Variants in PIGN observed in about 807,000 individuals in gnomAD.
The protein encoded by PIGN is phosphatidylinositol glycan anchor biosynthesis class N.
In PIGN, 117 loss-of-function variants were observed where a neutral mutation model predicts 125.4. The ratio of observed to expected loss-of-function variants is 0.93; its 90% CI spans 0.80 to 1.09. The LOEUF (loss-of-function observed/expected upper bound fraction) is 1.09, where lower values mean the gene tolerates loss of function less well. Among genes scored for constraint, PIGN ranks in the 50% least tolerant of loss-of-function variants. PIGN has a pLI of 0.00. For synonymous variants in PIGN, 392 were observed against 377.8 expected (o/e 1.04, Z -0.44); for missense variants, 1,075 against 1,094.9 (o/e 0.98, Z 0.26).
chr18:62,161,813 C>T (rs1255287355), intron 3 of PIGN, among the ~76,000 whole-genome samples: 9 of 152,012 alleles, frequency 5.9e-5, no homozygotes, highest in South Asian at 4.1e-4. Context: ...TTGCCAATAA[C>T]GGATTTTTAA....
rs146191694 is a variant in PIGN, at chr18:62,140,344, C to T, written c.1023+76G>A. On this transcript the variant is annotated intron_variant, in intron 12 of 30. Coordinates refer to ENST00000640252, the MANE Select transcript of PIGN (RefSeq NM_176787.5). ...AAAAAACCCAGATTATTCAGAAACA[C>T]ATAAAAAAGAGTACATTTTACTGTG... The T allele has an allele frequency of 5.9e-4, 384 of 656,224 alleles. 1 individual carries two copies. Among genetic ancestry groups the T allele is most frequent in the African/African-American group, 5.5e-3 (294 of 53,220 alleles). 40.7% of individuals were successfully genotyped at this position (656,224 alleles called of 1,614,324 possible).
At chr18:62,135,157 G>A (rs895624939) in intron 14 of PIGN, among the ~76,000 whole-genome samples, 2 of 152,036 alleles carry the variant, frequency 1.3e-5, no homozygotes, top group Admixed American at 6.6e-5. Flanking sequence ...AATGCATCTA[G>A]TACCTTTCTA....
At chr18:62,180,024 G>A (rs1456645942) in intron 1 of PIGN, among the ~76,000 whole-genome samples, 5 of 151,994 alleles carry the variant, frequency 3.3e-5, no homozygotes, top group African/African-American at 9.7e-5. Context: ...AACATCACTC[G>A]CAGTTGTCAT....
At chr18:62,165,199 T>C (rs1213451863) in intron 1 of PIGN, among the ~76,000 whole-genome samples, 4 of 152,356 alleles carry the variant, frequency 2.6e-5, no homozygotes, top group Middle Eastern at 3.4e-3. Flanking sequence ...TTCCTCCTCC[T>C]GTTCGGTCCC....
At chr18:62,049,640 G>A (rs7505152) in intron 30 of PIGN, among the ~76,000 whole-genome samples, 1 of 141,324 alleles carries the variant, frequency 7.1e-6, no homozygotes, top group South Asian at 2.4e-4. Context: ...TTTCTCCCAT[G>A]TTGTAGGTTG....
intron 29 of PIGN, among the ~76,000 whole-genome samples, chr18:62,073,041 C>T (rs1485581966): frequency 6.6e-6 from 1 of 152,168 alleles, no homozygotes; most frequent in Admixed American, 6.6e-5. Context: ...GAAGCCACGT[C>T]ATCCATCTAC....
intron 14 of PIGN, among the ~76,000 whole-genome samples, chr18:62,121,929 G>C (rs1406159606): frequency 6.6e-6 from 1 of 151,982 alleles, no homozygotes; most frequent in Non-Finnish European, 1.5e-5. Context: ...TCTATATTTA[G>C]TTTTTTGAGG....
Position 62,161,305 on chromosome 18 carries a change from C to G in PIGN, c.49G>C (p.Ala17Pro), listed in dbSNP as rs373378832. The G allele has an allele frequency of 1.2e-6, 2 of 1,612,980 alleles. No individual in the cohort carries two copies. The highest frequency in any genetic ancestry group is 2.7e-5 in the African/African-American group (2 of 74,806). The change falls in exon 4 of 31, where the codon GCC becomes CCC. Residue 17 changes from alanine (A) to proline (P), a missense_variant. Ala to Pro is a conservative substitution (Grantham distance 27). Transcript: ENST00000640252. ...LGLLIHFVFF[A>P]SIFDIYFTSP... Reference sequence around the variant, plus strand: ...GTAAAATAAATGTCAAAGATGGAGGCGAAGAACACAAAATGTATAAGCAAT... The same window carrying G: ...GTAAAATAAATGTCAAAGATGGAGGGGAAGAACACAAAATGTATAAGCAAT...
intron 28 of PIGN, 69 bp downstream of exon 28, chr18:62,082,604 T>C: frequency 1.3e-6 from 1 of 796,578 alleles, no homozygotes; most frequent in Non-Finnish European, 2.1e-6. Flanking sequence ...ATATGAAATG[T>C]CTTCGAAAGT....
intron 30 of PIGN, chr18:62,070,655 T>C (rs2032789966): frequency 2.5e-6 from 1 of 394,720 alleles, no homozygotes; most frequent in South Asian, 1.4e-4. Context: ...TCAGAATGCA[T>C]TTGGAGAAGA....
At chr18:62,060,750 G>C (rs1432311414) in intron 30 of PIGN, among the ~76,000 whole-genome samples, 3 of 152,164 alleles carry the variant, frequency 2.0e-5, no homozygotes, top group Non-Finnish European at 1.5e-5. Flanking sequence ...TGATGATCCT[G>C]ACTCTATTCA....
chr18:62,090,131 A>C (rs1353276175), intron 24 of PIGN, among the ~76,000 whole-genome samples: 1 of 152,168 alleles, frequency 6.6e-6, no homozygotes, highest in African/African-American at 2.4e-5. Context: ...TTCTTCCAAG[A>C]TAAATTGACG....
chr18:62,113,147 C>T lies in PIGN; in HGVS notation c.1421G>A (p.Ser474Asn). The T allele has an allele frequency of 1.2e-6, 2 of 1,607,666 alleles. No individual in the cohort carries two copies. Among genetic ancestry groups the T allele is most frequent in the Non-Finnish European group, 1.7e-6 (2 of 1,176,336 alleles). The change falls in exon 16 of 31, where the codon AGT (serine) becomes AAT (asparagine). Residue 474 changes from serine (S) to asparagine (N), a missense_variant. Physicochemically the swap from Ser to Asn is conservative, Grantham distance 46. This residue lies in a region of PIGN where 915 missense variants were observed against 908.7 expected (regional missense o/e 1.01). Transcript: ENST00000640252. ...TTCTAAACGTACCTTCACTTCTTTA[C>T]TAACACCTTTTATAAGGTTGGAATG... ...KSHSNLIKGV[S>N]KEVKKPSHLL...
At chr18:62,039,017 C>T (rs1255891598), downstream of PIGN, among the ~76,000 whole-genome samples, 1 of 151,608 alleles carries the variant, frequency 6.6e-6, no homozygotes, top group Non-Finnish European at 1.5e-5. Flanking sequence ...ACACATTGGG[C>T]TCTAACATGG....
chr18:62,147,426 C>T (rs2036374835), intron 8 of PIGN, among the ~76,000 whole-genome samples: 1 of 152,118 alleles, frequency 6.6e-6, no homozygotes, highest in Non-Finnish European at 1.5e-5. Flanking sequence ...ACTGTTTGGC[C>T]ACATTACAAG....
intron 22 of PIGN, among the ~76,000 whole-genome samples, chr18:62,098,935 G>C (rs998295841): frequency 2.0e-5 from 3 of 152,012 alleles, no homozygotes; most frequent in African/African-American, 7.2e-5. Flanking sequence ...TCCAAATAGA[G>C]AAAGAAGCAT....
At chr18:62,050,809 C>T (rs1253083534) in intron 30 of PIGN, among the ~76,000 whole-genome samples, 4 of 151,610 alleles carry the variant, frequency 2.6e-5, no homozygotes, top group African/African-American at 9.7e-5. Flanking sequence ...CCAGTTTTTG[C>T]CCATTCAGTA....
chr18:62,154,354 C>A (rs1466331993), intron 7 of PIGN, 191 bp downstream of exon 7: 11 of 512,896 alleles, frequency 2.1e-5, no homozygotes, highest in Non-Finnish European at 3.4e-5. Context: ...CTAATAGAAA[C>A]AAAGGAGTTT....
chr18:62,062,687 T>A lies in PIGN; in HGVS notation c.2672+9986A>T, dbSNP rs149901029. Among the ~76,000 whole-genome samples the A allele has an allele frequency of 2.0e-4, 31 of 152,116 alleles. 1 individual carries two copies. The highest frequency in any genetic ancestry group is 6.0e-4 in the African/African-American group (25 of 41,518). ...AATATTCCTATAGCATATTTTACCC[T>A]GAATTGCATTAATAATATAATATTT... On this transcript the variant is annotated intron_variant, in intron 30 of 30. Transcript: ENST00000640252.
Sources: allele counts gnomAD v4.1 joint callset (sites outside exome capture counted in the v4.1 genomes callset), GRCh38; gene constraint gnomAD v4.1.1; regional missense constraint gnomAD v4.1.1; transcripts MANE v1.5; gene names NCBI Gene and HGNC (gene_info 2026-07-23, HGNC 2026-07-21).